The following CMTM8 variants were observed in gnomAD, a reference collection of about 807,000 sequenced individuals.
CMTM8 encodes the protein CKLF like MARVEL transmembrane domain containing 8, also known as CKLF-like MARVEL transmembrane domain-containing protein 8.
CMTM8 carries 12 observed loss-of-function variants against 18.6 expected under a neutral mutation model. The ratio of observed to expected loss-of-function variants is 0.65; its 90% CI spans 0.41 to 1.05. The LOEUF is 1.05. CMTM8 is among the 50% of genes least tolerant of loss of function. CMTM8 has a pLI of 0.00. For synonymous variants in CMTM8, 87 were observed against 90.6 expected, an observed-to-expected ratio of 0.96 and a Z score of 0.23; for missense variants, 217 against 227.2, an observed-to-expected ratio of 0.95 and a Z score of 0.29.
chr3:32,364,173 A>T (rs1013036125), intron 2 of CMTM8, among the ~76,000 whole-genome samples: 1 of 152,162 alleles, frequency 6.6e-6, no homozygotes, highest in African/African-American at 2.4e-5. Flanking sequence ...GGAGTTCAAG[A>T]CCAGCCTGGG....
At chr3:32,368,895 A>G (rs1417750566) in intron 3 of CMTM8, among the ~76,000 whole-genome samples, 1 of 152,230 alleles carries the variant, frequency 6.6e-6, no homozygotes, top group Admixed American at 6.5e-5. Context: ...AAAGAAGCCT[A>G]TCGGGGGAAG....
chr3:32,318,564 A>ATTTTT (rs1215037595), intron 1 of CMTM8, among the ~76,000 whole-genome samples: 2 of 125,294 alleles, frequency 1.6e-5, no homozygotes, highest in Non-Finnish European at 3.3e-5. Flanking sequence ...GTCATTATTA[A>ATTTTT]TTTTTTTTTT....
intron 1 of CMTM8, among the ~76,000 whole-genome samples, chr3:32,295,656 G>A (rs766199451): frequency 6.6e-6 from 1 of 151,904 alleles, no homozygotes; most frequent in South Asian, 2.1e-4. Flanking sequence ...AAGGATGACT[G>A]CCCTTCATGG....
At chr3:32,311,638 T>C (rs1695820850) in intron 1 of CMTM8, among the ~76,000 whole-genome samples, 1 of 152,246 alleles carries the variant, frequency 6.6e-6, no homozygotes, top group African/African-American at 2.4e-5. Context: ...TCCTGTTTCC[T>C]CTCTAGTATT....
At chr3:32,313,389 G>C (rs527371335) in intron 1 of CMTM8, among the ~76,000 whole-genome samples, 217 of 152,250 alleles carry the variant, frequency 1.4e-3, no homozygotes, top group Non-Finnish European at 2.5e-3. Flanking sequence ...CAGTCAGTGA[G>C]GTGGAGAGCC....
At chr3:32,330,574 C>T (rs555582514) in intron 1 of CMTM8, among the ~76,000 whole-genome samples, 61 of 151,946 alleles carry the variant, frequency 4.0e-4, no homozygotes, top group Middle Eastern at 3.4e-3. Flanking sequence ...ACATATAGAC[C>T]AATGGAACAG....
intron 1 of CMTM8, among the ~76,000 whole-genome samples, chr3:32,322,015 A>G (rs1696064696): frequency 6.6e-6 from 1 of 152,350 alleles, no homozygotes; most frequent in African/African-American, 2.4e-5. Context: ...TGTGAAGCCT[A>G]AACCGTTCAT....
intron 3 of CMTM8, among the ~76,000 whole-genome samples, chr3:32,369,367 C>T (rs1695600207): frequency 6.6e-6 from 1 of 152,134 alleles, no homozygotes; most frequent in African/African-American, 2.4e-5. Context: ...TTAAAAATCA[C>T]AAGCTTCGTC....
At chr3:32,276,078 T>A in intron 1 of CMTM8, among the ~76,000 whole-genome samples, 1 of 152,108 alleles carries the variant, frequency 6.6e-6, no homozygotes, top group Non-Finnish European at 1.5e-5. Flanking sequence ...GGTGGGTTGG[T>A]TTTAGATGTT....
Position 32,280,236 on chromosome 3 carries a change from T to G in CMTM8, c.147+41117T>G, listed in dbSNP as rs141766358. 5.6e-3 allele frequency among the ~76,000 whole-genome samples: 856 copies of G among 152,216 alleles called. 2 individuals carry two copies. The highest frequency in any genetic ancestry group is 7.4e-3 in the Non-Finnish European group (504 of 68,004). On this transcript the variant is annotated intron_variant, in intron 1 of 3. Transcript: ENST00000307526. ...CAGGGAACCTAAGGCTGATTCACGCTGATTTCCTAGAATGGAATTAAAAGG... is the reference window on the plus strand; with the variant it reads ...CAGGGAACCTAAGGCTGATTCACGCGGATTTCCTAGAATGGAATTAAAAGG...
chr3:32,313,908 T>C (rs1695871477), intron 1 of CMTM8, among the ~76,000 whole-genome samples: 1 of 152,172 alleles, frequency 6.6e-6, no homozygotes. Flanking sequence ...GAAAATTTAC[T>C]GCTTGAGCCT....
At chr3:32,346,894 C>G (rs2125592526) in intron 1 of CMTM8, among the ~76,000 whole-genome samples, 1 of 151,280 alleles carries the variant, frequency 6.6e-6, no homozygotes, top group South Asian at 2.1e-4. Flanking sequence ...AATCACAGCT[C>G]ATTGCAACCT....
chr3:32,261,169 CAAAA>C (rs57748918), intron 1 of CMTM8, among the ~76,000 whole-genome samples: 1 of 128,358 alleles, frequency 7.8e-6, no homozygotes, highest in African/African-American at 3.0e-5. Flanking sequence ...GTGTCCATCT[CAAAA>C]AAAAAAAAAA....
intron 1 of CMTM8, among the ~76,000 whole-genome samples, chr3:32,309,361 G>A (rs1695777446): frequency 7.0e-6 from 1 of 143,874 alleles, no homozygotes; most frequent in Non-Finnish European, 1.5e-5. Context: ...AGGCTGGAGT[G>A]CAGTGGTACA....
At chr3:32,311,042 G>A (rs1005892315) in intron 1 of CMTM8, among the ~76,000 whole-genome samples, 3 of 152,130 alleles carry the variant, frequency 2.0e-5, no homozygotes, top group Non-Finnish European at 2.9e-5. Flanking sequence ...TAATGTAAAC[G>A]ACCTGGATGA....
At chr3:32,284,156 G>A (rs1224837418) in intron 1 of CMTM8, among the ~76,000 whole-genome samples, 1 of 152,220 alleles carries the variant, frequency 6.6e-6, no homozygotes, top group Non-Finnish European at 1.5e-5. Flanking sequence ...GGGAGGCTGA[G>A]GCATGAGAAT....
At chr3:32,276,893 A>T (rs531092683) in intron 1 of CMTM8, among the ~76,000 whole-genome samples, 45 of 147,738 alleles carry the variant, frequency 3.0e-4, no homozygotes, top group Non-Finnish European at 5.7e-4. Context: ...CTCCTGAGAA[A>T]TTTTTTTTTT....
chr3:32,328,535 G>A (rs568645467), intron 1 of CMTM8, among the ~76,000 whole-genome samples: 58 of 146,414 alleles, frequency 4.0e-4, no homozygotes, highest in Middle Eastern at 6.9e-3. Flanking sequence ...TGGCAACAGA[G>A]CAGGACCAAA....
At chr3:32,310,214 G>A (rs1168543903) in intron 1 of CMTM8, among the ~76,000 whole-genome samples, 1 of 151,682 alleles carries the variant, frequency 6.6e-6, no homozygotes, top group Non-Finnish European at 1.5e-5. Context: ...TTGAAATTAG[G>A]TACTCAACTG....
Sources: allele counts gnomAD v4.1 joint callset (sites outside exome capture counted in the v4.1 genomes callset), GRCh38; gene constraint gnomAD v4.1.1; transcripts MANE v1.5; gene names NCBI Gene and HGNC (gene_info 2026-07-23, HGNC 2026-07-21).